The following INTS9 variants were observed in gnomAD, a reference collection of about 807,000 sequenced individuals.
The protein encoded by INTS9 is protein related to CPSF subunits of 74 kDa.
A neutral mutation model predicts 79.7 loss-of-function variants in INTS9; 55 were observed. The observed-to-expected ratio is 0.69, with a 90% confidence interval of 0.56 to 0.86. The LOEUF (loss-of-function observed/expected upper bound fraction) is 0.86. Among genes scored for constraint, INTS9 ranks in the 40% least tolerant of loss-of-function variants. INTS9 has a pLI of 0.00. For missense variants in INTS9, 721 were observed against 831.5 expected (o/e 0.87, Z 1.64); for synonymous variants, 319 against 325.2 (o/e 0.98, Z 0.20).
At chr8:28,877,414 T>C (rs1809457115) in intron 1 of INTS9, among the ~76,000 whole-genome samples, 2 of 152,160 alleles carry the variant, frequency 1.3e-5, no homozygotes, top group African/African-American at 4.8e-5. Context: ...AAAAACAAGT[T>C]TGATCATTAC....
intron 2 of INTS9, among the ~76,000 whole-genome samples, chr8:28,851,900 T>G (rs1464974648): frequency 5.9e-5 from 9 of 152,136 alleles, no homozygotes; most frequent in Non-Finnish European, 1.2e-4. Flanking sequence ...AAAGTGAGAA[T>G]ACCATTTCAT....
At chr8:28,798,443 G>C (rs1804337804) in intron 8 of INTS9, 1 of 152,222 alleles carries the variant, frequency 6.6e-6, no homozygotes, top group African/African-American at 2.4e-5. Context: ...AGGGACTTTA[G>C]AGGATCCAGG....
chr8:28,813,635 A>G (rs1291278166), intron 6 of INTS9, 23 bp from the exon 7 acceptor site: 1 of 1,610,724 alleles, frequency 6.2e-7, no homozygotes, highest in Non-Finnish European at 8.5e-7. Flanking sequence ...CACAATGTCA[A>G]CTACCAGGTG....
chr8:28,862,227 CAGTA>C, intron 1 of INTS9: 1 of 984,314 alleles, frequency 1.0e-6, no homozygotes, highest in Non-Finnish European at 1.2e-6. Context: ...GGCACAAAAC[CAGTA>C]AGTAATTATG....
At chr8:28,840,960 A>T (rs1432916659) in intron 4 of INTS9, among the ~76,000 whole-genome samples, 3 of 143,428 alleles carry the variant, frequency 2.1e-5, no homozygotes, top group Non-Finnish European at 3.0e-5. Flanking sequence ...TAAATAAAGT[A>T]AAAAAAAAAA....
intron 1 of INTS9, among the ~76,000 whole-genome samples, chr8:28,888,144 C>T (rs1406122250): frequency 6.6e-6 from 1 of 152,176 alleles, no homozygotes; most frequent in African/African-American, 2.4e-5. Flanking sequence ...CTTACTTATC[C>T]TTATCAGTTC....
intron 1 of INTS9, among the ~76,000 whole-genome samples, chr8:28,866,031 A>G (rs1808728037): frequency 1.3e-5 from 2 of 152,054 alleles, no homozygotes. Context: ...TAGTGGTGTC[A>G]AATCTGCTAT....
intron 3 of INTS9, among the ~76,000 whole-genome samples, chr8:28,848,632 T>G (rs2131247711): frequency 6.6e-6 from 1 of 152,282 alleles, no homozygotes; most frequent in South Asian, 2.1e-4. Context: ...TAAAAATGAT[T>G]AAAGACAAAT....
intron 1 of INTS9, among the ~76,000 whole-genome samples, chr8:28,861,645 T>C (rs968408117): frequency 6.6e-6 from 1 of 152,344 alleles, no homozygotes; most frequent in Middle Eastern, 3.4e-3. Flanking sequence ...CCAGCCACAT[T>C]GAATGACAAA....
At chr8:28,794,519 T>C (rs182480069) in intron 9 of INTS9, among the ~76,000 whole-genome samples, 2 of 152,158 alleles carry the variant, frequency 1.3e-5, no homozygotes, top group Admixed American at 1.3e-4. Context: ...ATTACTAGAG[T>C]ATGGTACTAG....
intron 6 of INTS9, among the ~76,000 whole-genome samples, chr8:28,827,541 T>A (rs1248605328): frequency 1.3e-5 from 2 of 152,176 alleles, no homozygotes. Context: ...CTGACTCTCA[T>A]CACAGCAAAG....
intron 1 of INTS9, among the ~76,000 whole-genome samples, chr8:28,868,566 C>A (rs186874838): frequency 5.5e-4 from 83 of 152,272 alleles, no homozygotes; most frequent in African/African-American, 1.9e-3. Flanking sequence ...GCTCATTTGA[C>A]ATCAGCATAA....
At chr8:28,784,948 A>AC (rs1291757261) in intron 11 of INTS9, among the ~76,000 whole-genome samples, 1 of 152,214 alleles carries the variant, frequency 6.6e-6, no homozygotes, top group African/African-American at 2.4e-5. Context: ...TCTATCTGTC[A>AC]CATCTCTTCA....
At chr8:28,773,357 G>C (rs1802672021) in intron 14 of INTS9, among the ~76,000 whole-genome samples, 1 of 150,876 alleles carries the variant, frequency 6.6e-6, no homozygotes, top group Non-Finnish European at 1.5e-5. Context: ...CCAGCTACTA[G>C]GGAGGCTGAG....
chr8:28,776,435 T>TC (rs779507853), intron 13 of INTS9, among the ~76,000 whole-genome samples: 1 of 86,486 alleles, frequency 1.2e-5, no homozygotes, highest in Non-Finnish European at 2.3e-5. Flanking sequence ...GAGTTTTTTT[T>TC]TTTTGTTTTT....
At chr8:28,860,443 T>C (rs1808396088) in intron 1 of INTS9, among the ~76,000 whole-genome samples, 1 of 151,848 alleles carries the variant, frequency 6.6e-6, no homozygotes, top group South Asian at 2.1e-4. Flanking sequence ...AAGGGAACAG[T>C]GTGCTGAATC....
At chr8:28,797,300 GTAAGGAGATTTACAC>G (rs1804278661) in intron 8 of INTS9, among the ~76,000 whole-genome samples, 1 of 152,294 alleles carries the variant, frequency 6.6e-6, no homozygotes, top group South Asian at 2.1e-4. Flanking sequence ...ACTCAAAGAG[GTAAGGAGATTTACAC>G]TAAGTCCCAG....
intron 1 of INTS9, among the ~76,000 whole-genome samples, chr8:28,881,464 C>A (rs1490715630): frequency 7.8e-6 from 1 of 128,072 alleles, no homozygotes; most frequent in Non-Finnish European, 1.7e-5. Flanking sequence ...GCCGCCCCGT[C>A]CGGGAGGGGG....
intron 1 of INTS9, among the ~76,000 whole-genome samples, chr8:28,884,130 A>G (rs1018960286): frequency 7.2e-6 from 1 of 138,990 alleles, no homozygotes; most frequent in Non-Finnish European, 1.6e-5. Flanking sequence ...TTTTTTTTCA[A>G]TTCAACTACT....
Sources: allele counts gnomAD v4.1 joint callset (sites outside exome capture counted in the v4.1 genomes callset), GRCh38; gene constraint gnomAD v4.1.1; transcripts MANE v1.5; gene names NCBI Gene and HGNC (gene_info 2026-07-23, HGNC 2026-07-21).